RAPGEF2: variants seen among roughly 807,000 people sequenced by gnomAD.
The protein encoded by RAPGEF2 is Rap guanine nucleotide exchange factor 2, also known as PDZ domain containing guanine nucleotide exchange factor (GEF) 1.
In RAPGEF2, 54 loss-of-function variants were observed where a neutral mutation model predicts 186.7. The observed-to-expected ratio is 0.29, with a 90% confidence interval of 0.23 to 0.36. The LOEUF (loss-of-function observed/expected upper bound fraction) is 0.36, where lower values mean the gene tolerates loss of function less well. Ranked by LOEUF, RAPGEF2 falls within the 10% of genes least tolerant of loss-of-function variation. RAPGEF2 has a pLI of 1.00. For synonymous variants in RAPGEF2, 712 were observed against 705.9 expected (o/e 1.01, Z -0.14); for missense variants, 1,532 against 2,045.0 (o/e 0.75, Z 4.84).
intron 7 of RAPGEF2, among the ~76,000 whole-genome samples, chr4:159,284,461 C>A (rs1388782624): frequency 6.8e-6 from 1 of 147,918 alleles, no homozygotes; most frequent in African/African-American, 2.5e-5. Context: ...TAGTTAATGC[C>A]TACCTCCCAC....
At chr4:159,325,670 T>G (rs1444137883) in intron 11 of RAPGEF2, among the ~76,000 whole-genome samples, 1 of 152,132 alleles carries the variant, frequency 6.6e-6, no homozygotes, top group African/African-American at 2.4e-5. Flanking sequence ...TGTTAGAAAT[T>G]TTGTAAGTAT....
At chr4:159,250,418 G>A (rs749535851) in intron 7 of RAPGEF2, among the ~76,000 whole-genome samples, 1 of 152,190 alleles carries the variant, frequency 6.6e-6, no homozygotes, top group Non-Finnish European at 1.5e-5. Context: ...TGGCAGCAGA[G>A]TGGACCAAAT....
At chr4:159,239,650 G>A (rs1441977921) in intron 5 of RAPGEF2, among the ~76,000 whole-genome samples, 1 of 152,114 alleles carries the variant, frequency 6.6e-6, no homozygotes, top group East Asian at 1.9e-4. Flanking sequence ...GTATAAGAAT[G>A]ATTTTAAGAT....
chr4:159,305,801 T>G (rs1407563658), intron 8 of RAPGEF2, among the ~76,000 whole-genome samples: 1 of 152,118 alleles, frequency 6.6e-6, no homozygotes, highest in Non-Finnish European at 1.5e-5. Flanking sequence ...TTTATAGCTT[T>G]GGGTCTTAAG....
intron 24 of RAPGEF2, among the ~76,000 whole-genome samples, chr4:159,345,875 A>G (rs910241016): frequency 6.6e-6 from 1 of 151,506 alleles, no homozygotes; most frequent in African/African-American, 2.4e-5. Context: ...CTAAATCTGC[A>G]TCTTGACTTA....
intron 1 of RAPGEF2, among the ~76,000 whole-genome samples, chr4:159,111,460 G>A (rs186675083): frequency 3.3e-5 from 5 of 152,310 alleles, no homozygotes; most frequent in Non-Finnish European, 2.9e-5. Context: ...TTGACAAACC[G>A]ACACAGTGTA....
chr4:159,196,790 G>A (rs1203692320), intron 3 of RAPGEF2, among the ~76,000 whole-genome samples: 1 of 152,230 alleles, frequency 6.6e-6, no homozygotes, highest in East Asian at 1.9e-4. Context: ...AATTATGATA[G>A]TGATGCTCTA....
chr4:159,277,053 C>G (rs944001407), intron 7 of RAPGEF2, among the ~76,000 whole-genome samples: 4 of 151,566 alleles, frequency 2.6e-5, no homozygotes, highest in African/African-American at 9.7e-5. Flanking sequence ...AGGTATATCT[C>G]CTAATGCTAT....
At chr4:159,333,133 C>T (rs1231002832) in intron 17 of RAPGEF2, among the ~76,000 whole-genome samples, 2 of 152,058 alleles carry the variant, frequency 1.3e-5, no homozygotes, top group Admixed American at 6.6e-5. Context: ...ATGCCTGCCA[C>T]TGCACCCGGC....
intron 3 of RAPGEF2, among the ~76,000 whole-genome samples, chr4:159,206,020 C>A (rs1749943126): frequency 6.6e-6 from 1 of 152,030 alleles, no homozygotes. Flanking sequence ...AGCTCCGCCT[C>A]CCGGGTTCAC....
Position 159,279,292 on chromosome 4 carries a change from G to A in RAPGEF2, c.544-25050G>A, listed in dbSNP as rs151258341. On this transcript the variant is annotated intron_variant, in intron 7 of 29. Coordinates refer to ENST00000691494, the MANE Select transcript of RAPGEF2 (RefSeq NM_001394067.2). ...AGCCATTGGCAGGTTTTTCTTGTAC[G>A]TGCAGATGCATGCGCACGCACAGGT... is the stretch of plus-strand genomic sequence containing the variant. 1.1e-3 allele frequency among the ~76,000 whole-genome samples: 164 copies of A among 152,326 alleles called. No homozygotes were observed. In the East Asian group the frequency reaches 0.019, roughly 18 times the overall value.
intron 1 of RAPGEF2, among the ~76,000 whole-genome samples, chr4:159,160,154 T>C (rs200207372): frequency 6.6e-6 from 1 of 152,356 alleles, no homozygotes; most frequent in East Asian, 1.9e-4. Flanking sequence ...TATAGACACA[T>C]GTCTATTCAC....
intron 7 of RAPGEF2, among the ~76,000 whole-genome samples, chr4:159,249,285 CTT>C (rs34205767): frequency 0.12 from 15,122 of 122,992 alleles, 516 homozygotes; most frequent in Admixed American, 0.16. Context: ...AAAAAAGTCT[CTT>C]TTTTTTTTTT....
chr4:159,257,487 A>G (rs963220203), intron 7 of RAPGEF2, among the ~76,000 whole-genome samples: 1 of 152,198 alleles, frequency 6.6e-6, no homozygotes, highest in Non-Finnish European at 1.5e-5. Context: ...ATCGTCTCCT[A>G]CCAAGTCCCT....
intron 11 of RAPGEF2, 21 bp from the exon 12 acceptor site, chr4:159,329,837 G>A (rs1424746230): frequency 1.2e-6 from 2 of 1,600,274 alleles, no homozygotes; most frequent in Non-Finnish European, 1.7e-6. Context: ...TCATTAACAT[G>A]TGACTTATGT....
chr4:159,353,964 G>A lies in RAPGEF2; in HGVS notation c.4569G>A (p.Thr1523=), dbSNP rs145873578. 2.5e-3 allele frequency: 3,968 copies of A among 1,613,860 alleles called. 9 individuals carry two copies. The highest frequency in any genetic ancestry group is 2.7e-3 in the Non-Finnish European group (3,133 of 1,180,020). The change falls in exon 28 of 30, where the codon ACG becomes ACA. Residue 1523 remains threonine, a synonymous_variant. Transcript: ENST00000691494. This position sits in a 1 kb window ranked among gnomAD's most constrained non-coding sequence, Gnocchi z 4.3. The stretch of plus-strand genomic sequence containing the variant: ...TTGAAGCCGAAAGCAGTAGCCTAAC[G>A]TCTGTGACTACGGAAGAAACCAAGC... ...VSIEAESSSL[T]SVTTEETKPV... is the part of the protein sequence containing the mutation.
intron 1 of RAPGEF2, among the ~76,000 whole-genome samples, chr4:159,116,242 A>G (rs944632225): frequency 6.6e-6 from 1 of 152,206 alleles, no homozygotes; most frequent in African/African-American, 2.4e-5. Context: ...ATTTAGAAGA[A>G]AAAAACAATC....
intron 1 of RAPGEF2, among the ~76,000 whole-genome samples, chr4:159,141,582 GTA>G (rs1553998932): frequency 7.2e-6 from 1 of 138,938 alleles, no homozygotes; most frequent in South Asian, 2.3e-4. Context: ...GACTAAGTGT[GTA>G]TATATATATA....
chr4:159,181,357 T>C (rs1402753706), intron 1 of RAPGEF2, among the ~76,000 whole-genome samples: 1 of 152,200 alleles, frequency 6.6e-6, no homozygotes, highest in African/African-American at 2.4e-5. Flanking sequence ...TTTATTTATT[T>C]TTTTCTAATA....
Sources: gnomAD v4.1 joint callset for allele counts (sites outside exome capture counted in the v4.1 genomes callset) on GRCh38, gnomAD v4.1.1 for gene constraint, Gnocchi (gnomAD v3.1) non-coding constraint, MANE v1.5 for transcripts, NCBI Gene and HGNC (gene_info 2026-07-23, HGNC 2026-07-21) for gene names.